The following NKAIN3 variants were observed in gnomAD, a reference collection of about 807,000 sequenced individuals.
NKAIN3 encodes sodium/potassium-transporting ATPase subunit beta-1-interacting protein 3.
NKAIN3 carries 25 observed loss-of-function variants against 30.2 expected under a neutral mutation model. That is an observed-to-expected ratio of 0.83 (90% confidence interval 0.60 to 1.16). The LOEUF is 1.16. Ranked by LOEUF, NKAIN3 falls within the 50% of genes most tolerant of loss-of-function variation. The pLI is 0.00. For synonymous variants in NKAIN3, 91 were observed against 89.6 expected (o/e 1.02, Z -0.09); for missense variants, 225 against 254.1 (o/e 0.89, Z 0.78).
intron 1 of NKAIN3, among the ~76,000 whole-genome samples, chr8:62,399,636 T>A (rs1047725344): frequency 6.6e-6 from 1 of 152,226 alleles, no homozygotes; most frequent in Non-Finnish European, 1.5e-5. Flanking sequence ...AATGACTATG[T>A]GATCTCTCAA....
At chr8:62,556,952 T>C (rs935797211) in intron 1 of NKAIN3, among the ~76,000 whole-genome samples, 1 of 152,054 alleles carries the variant, frequency 6.6e-6, no homozygotes, top group Admixed American at 6.6e-5. Context: ...TTTTTTTTTA[T>C]TTCGGTAGGT....
At chr8:62,612,455 T>A (rs1466279071) in intron 3 of NKAIN3, among the ~76,000 whole-genome samples, 1 of 151,996 alleles carries the variant, frequency 6.6e-6, no homozygotes, top group Admixed American at 6.6e-5. Flanking sequence ...TTGGTTTCCA[T>A]TGGCATGGAA....
At chr8:62,961,249 C>T (rs950033718) in intron 6 of NKAIN3, among the ~76,000 whole-genome samples, 43 of 151,558 alleles carry the variant, frequency 2.8e-4, no homozygotes, top group Admixed American at 2.0e-3. Context: ...CACTGCACTC[C>T]AGCCTAGGTG....
In NKAIN3 at chr8:62,250,060, C is replaced by T. The variant is rs143690430; in HGVS notation, c.54+933C>T. On this transcript the variant is annotated intron_variant, in intron 1 of 6. Coordinates refer to ENST00000623646, the MANE Select transcript of NKAIN3 (RefSeq NM_001304533.3). Reference sequence around the variant, plus strand: ...GATTCTGAGTGCTCTGCCAAGCTTTCTTCCAAGCATTGTATTTTTTTTCGA... The same window carrying T: ...GATTCTGAGTGCTCTGCCAAGCTTTTTTCCAAGCATTGTATTTTTTTTCGA... Among the ~76,000 whole-genome samples the T allele has an allele frequency of 5.4e-3, 816 of 152,296 alleles. 5 individuals carry two copies. The highest frequency in any genetic ancestry group is 0.019 in the African/African-American group (782 of 41,560).
intron 1 of NKAIN3, among the ~76,000 whole-genome samples, chr8:62,311,878 A>T (rs1392415628): frequency 6.7e-6 from 1 of 150,364 alleles, no homozygotes; most frequent in African/African-American, 2.5e-5. Context: ...GTAAAAGGCT[A>T]ACTCTCACCC....
At chr8:62,878,246 T>G (rs1456760449) in intron 4 of NKAIN3, among the ~76,000 whole-genome samples, 1 of 152,160 alleles carries the variant, frequency 6.6e-6, no homozygotes, top group Non-Finnish European at 1.5e-5. Context: ...AAATTTTTTT[T>G]CTGAAGAATC....
chr8:62,759,378 CAATGGAG>C (rs1816566032), intron 4 of NKAIN3, among the ~76,000 whole-genome samples: 1 of 152,058 alleles, frequency 6.6e-6, no homozygotes, highest in South Asian at 2.1e-4. Context: ...ATTTCTTCAT[CAATGGAG>C]TAATAGGATT....
At chr8:62,793,950 T>TA (rs1817772658) in intron 4 of NKAIN3, among the ~76,000 whole-genome samples, 1 of 152,198 alleles carries the variant, frequency 6.6e-6, no homozygotes, top group Non-Finnish European at 1.5e-5. Flanking sequence ...CCTGTTTTAT[T>TA]AACCAAATGC....
intron 1 of NKAIN3, among the ~76,000 whole-genome samples, chr8:62,256,465 A>G (rs1361546244): frequency 1.3e-5 from 2 of 152,254 alleles, no homozygotes; most frequent in East Asian, 1.9e-4. Context: ...GTTTTAGAAG[A>G]GTTGCTTCTC....
rs1823833013 is a variant in NKAIN3 at position 62,971,472 on chromosome 8, A to G, written c.*6065A>G. On this transcript the variant is annotated 3_prime_UTR_variant, in exon 7 of 7. Coordinates refer to ENST00000623646, the MANE Select transcript of NKAIN3 (RefSeq NM_001304533.3). Reference sequence around the variant, plus strand: ...AGCAACATGGCAAAACCCCATACCTACAAAAAATACAAAAACCAGCTGTGG... The same window carrying G: ...AGCAACATGGCAAAACCCCATACCTGCAAAAAATACAAAAACCAGCTGTGG... Among the ~76,000 whole-genome samples, 1 of 149,332 alleles carries G rather than the reference A, an allele frequency of 6.7e-6. No individual in the cohort carries two copies. The highest frequency in any genetic ancestry group is 2.2e-4 in the South Asian group (1 of 4,592).
At chr8:62,502,909 C>T (rs1460513574) in intron 1 of NKAIN3, among the ~76,000 whole-genome samples, 1 of 152,118 alleles carries the variant, frequency 6.6e-6, no homozygotes. Context: ...CCTTGGAAAA[C>T]ATGCTTGAAC....
chr8:62,562,607 A>C (rs1476202680), intron 1 of NKAIN3, among the ~76,000 whole-genome samples: 1 of 152,142 alleles, frequency 6.6e-6, no homozygotes, highest in African/African-American at 2.4e-5. Context: ...GAAAAAAGGC[A>C]AAAAGAAAGA....
At chr8:62,588,890 G>A (rs951362586) in intron 2 of NKAIN3, among the ~76,000 whole-genome samples, 6 of 151,630 alleles carry the variant, frequency 4.0e-5, no homozygotes, top group Non-Finnish European at 8.9e-5. Flanking sequence ...CACTTTTCTG[G>A]GCCTCCATTA....
chr8:62,730,939 A>T (rs77808241), intron 3 of NKAIN3, among the ~76,000 whole-genome samples: 5,899 of 152,234 alleles, frequency 0.039, 392 homozygotes, highest in African/African-American at 0.14. Context: ...GGCTTCAATC[A>T]TTCCTTTTGA....
At chr8:62,533,741 G>A (rs1434116549) in intron 1 of NKAIN3, among the ~76,000 whole-genome samples, 2 of 152,102 alleles carry the variant, frequency 1.3e-5, no homozygotes, top group Non-Finnish European at 2.9e-5. Flanking sequence ...TAAATTGGTC[G>A]TTTGTGTTAT....
intron 4 of NKAIN3, among the ~76,000 whole-genome samples, chr8:62,895,542 GC>G (rs1475740454): frequency 6.6e-6 from 1 of 152,172 alleles, no homozygotes; most frequent in Non-Finnish European, 1.5e-5. Flanking sequence ...TGCACATTTA[GC>G]CCTTCTAAGG....
At chr8:62,659,776 G>T (rs1324819534) in intron 3 of NKAIN3, among the ~76,000 whole-genome samples, 1 of 152,154 alleles carries the variant, frequency 6.6e-6, no homozygotes, top group Non-Finnish European at 1.5e-5. Flanking sequence ...GACCTAGTGG[G>T]AGGTAATTGA....
At chr8:62,744,104 G>A (rs778653961) in intron 3 of NKAIN3, among the ~76,000 whole-genome samples, 10 of 152,136 alleles carry the variant, frequency 6.6e-5, no homozygotes, top group Non-Finnish European at 1.2e-4. Flanking sequence ...GGGGAGAAAG[G>A]AAAGCAGGAG....
At chr8:62,370,126 C>A (rs917540992) in intron 1 of NKAIN3, among the ~76,000 whole-genome samples, 22 of 151,874 alleles carry the variant, frequency 1.4e-4, no homozygotes, top group Non-Finnish European at 7.4e-5. Context: ...TCAACAGTGT[C>A]AAATTATTGA....
Sources: allele counts gnomAD v4.1 joint callset (sites outside exome capture counted in the v4.1 genomes callset), GRCh38; gene constraint gnomAD v4.1.1; transcripts MANE v1.5; gene names NCBI Gene and HGNC (gene_info 2026-07-23, HGNC 2026-07-21).